Variants in PCDHGA8 observed in about 807,000 individuals in gnomAD.
PCDHGA8 encodes protocadherin gamma-A8.
PCDHGA8 carries 45 observed loss-of-function variants against 59.2 expected under a neutral mutation model. The ratio of observed to expected loss-of-function variants is 0.76; its 90% confidence interval spans 0.60 to 0.98. PCDHGA8 has a LOEUF of 0.98. Ranked by LOEUF, PCDHGA8 falls within the 50% of genes least tolerant of loss-of-function variation. PCDHGA8 has a pLI of 0.00. For missense variants in PCDHGA8, 1,257 were observed against 1,196.2 expected, an observed-to-expected ratio of 1.05 and a Z score of -0.75; for synonymous variants, 531 against 519.0, an observed-to-expected ratio of 1.02 and a Z score of -0.32.
intron 1 of PCDHGA8, among the ~76,000 whole-genome samples, chr5:141,481,675 C>T (rs943204061): frequency 4.0e-5 from 6 of 151,490 alleles, no homozygotes; most frequent in Non-Finnish European, 5.9e-5. Context: ...AAAATCAGGC[C>T]GGGCCTGGTG....
intron 1 of PCDHGA8, chr5:141,408,349 C>T: frequency 6.2e-7 from 1 of 1,613,924 alleles, no homozygotes; most frequent in Non-Finnish European, 8.5e-7. Context: ...TGGTGGGGAA[C>T]CTCGCTAAGG....
At chr5:141,400,441 G>T (rs757449650) in intron 1 of PCDHGA8, 29 of 1,613,966 alleles carry the variant, frequency 1.8e-5, no homozygotes, top group Non-Finnish European at 2.1e-5. Flanking sequence ...ATTGAGTTCA[G>T]GACAAGACAT....
intron 1 of PCDHGA8, among the ~76,000 whole-genome samples, chr5:141,472,980 C>CAAAAAAAAAAAAAAAAA (rs60579131): frequency 5.8e-5 from 5 of 86,060 alleles, no homozygotes; most frequent in African/African-American, 3.9e-5. Context: ...GAGTGAAACT[C>CAAAAAAAAAAAAAAAAA]AAAAAAAAAA....
intron 1 of PCDHGA8, chr5:141,395,944 C>G (rs1218959085): frequency 6.6e-6 from 1 of 151,840 alleles, no homozygotes; most frequent in East Asian, 1.9e-4. Context: ...CATTGCTCCC[C>G]CAAACAAAAA....
rs573785314 is a variant in PCDHGA8 at position 141,435,382 on chromosome 5, C to T, written c.2424+40145C>T. 2.0e-5 allele frequency among the ~76,000 whole-genome samples: 3 copies of T among 152,034 alleles called. No homozygotes were observed. In the East Asian group the frequency reaches 5.8e-4, roughly 29 times the overall value. ...TTTATCACTTAAATATACAATATAC[C>T]GTATTGCCATGACGAAAAATGGTAA... On this transcript the variant is annotated intron_variant, in intron 1 of 3. Transcript: ENST00000398604.
At chr5:141,470,227 C>A (rs1387947362) in intron 1 of PCDHGA8, among the ~76,000 whole-genome samples, 1 of 152,160 alleles carries the variant, frequency 6.6e-6, no homozygotes, top group Non-Finnish European at 1.5e-5. Flanking sequence ...AGCTTCTTCA[C>A]CAAACCCTTG....
In PCDHGA8 at chr5:141,467,461, A is replaced by G. The variant is rs1330947379; in HGVS notation, c.2425-27346A>G. ...ATTACTTTTTTCTTCCAGTGCTAGT[A>G]CTTGCATGGTTTTTGGTTTCCACAT... On this transcript the variant is annotated intron_variant, in intron 1 of 3. Coordinates refer to ENST00000398604, the MANE Select transcript of PCDHGA8 (RefSeq NM_032088.2). 2.6e-5 allele frequency among the ~76,000 whole-genome samples: 4 copies of G among 152,158 alleles called. No homozygotes were observed. The South Asian group carries it at 8.3e-4, about 31-fold the overall frequency.
chr5:141,431,320 C>T lies in PCDHGA8; in HGVS notation c.2424+36083C>T. On this transcript the variant is annotated intron_variant, in intron 1 of 3. Coordinates refer to ENST00000398604, the MANE Select transcript of PCDHGA8 (RefSeq NM_032088.2). The surrounding 1 kb of genome is among the most constrained non-coding windows in gnomAD (Gnocchi z 4.8). ...CCCTCATCGTGCAAAATGGAGCCGA[C>T]GGTAGTAAGTACCCCGAATTGGTGC... is the stretch of plus-strand genomic sequence containing the variant. 1 of 1,614,102 alleles carries T rather than the reference C, an allele frequency of 6.2e-7. No homozygotes were observed. Among genetic ancestry groups the T allele is most frequent in the Non-Finnish European group, 8.5e-7 (1 of 1,180,038 alleles).
At chr5:141,504,511 CTCTGATAT>C (rs2099838890) in intron 2 of PCDHGA8, among the ~76,000 whole-genome samples, 1 of 151,902 alleles carries the variant, frequency 6.6e-6, no homozygotes, top group Non-Finnish European at 1.5e-5. Flanking sequence ...AGTGGATCTC[CTCTGATAT>C]ATTTTATTCG....
In PCDHGA8 at chr5:141,392,850, C is replaced by T. The variant is rs752526573; in HGVS notation, c.37C>T (p.Leu13=). ...ACAGAGTCGCCCCAGACGCGGCGAG[C>T]TGATCCTGCTGTGCGCGCTGCTGGG... ...APQSRPRRGE[L]ILLCALLGTL... The change falls in exon 1 of 4, where the codon CTG becomes TTG. Residue 13 remains leucine (L), a synonymous_variant. Coordinates refer to ENST00000398604, the MANE Select transcript of PCDHGA8 (RefSeq NM_032088.2). The T allele has an allele frequency of 3.1e-6, 5 of 1,610,550 alleles. No homozygotes were observed. In the African/African-American group the frequency reaches 5.3e-5, roughly 17 times the overall value.
At chr5:141,419,620 G>C in intron 1 of PCDHGA8, 1 of 1,612,304 alleles carries the variant, frequency 6.2e-7, no homozygotes, top group Non-Finnish European at 8.5e-7. Context: ...CAGGCTACCT[G>C]GTGACCAAGG....
At chr5:141,417,866 G>C (rs1299960512) in intron 1 of PCDHGA8, 1 of 1,552,408 alleles carries the variant, frequency 6.4e-7, no homozygotes, top group African/African-American at 1.4e-5. Context: ...AACGATGGGA[G>C]GGAGCTGCGC....
intron 1 of PCDHGA8, chr5:141,410,361 G>A: frequency 1.9e-6 from 3 of 1,614,034 alleles, no homozygotes; most frequent in Non-Finnish European, 2.5e-6. Context: ...CGCTCTCTCA[G>A]CCCTGCTACT....
intron 1 of PCDHGA8, among the ~76,000 whole-genome samples, chr5:141,482,104 A>T (rs11748215): frequency 0.23 from 34,477 of 150,324 alleles, 4,798 homozygotes; most frequent in African/African-American, 0.39. Context: ...AAAAAAAAAA[A>T]ATATCTAGAG....
intron 1 of PCDHGA8, chr5:141,475,937 C>G (rs970582600): frequency 2.8e-5 from 19 of 676,764 alleles, no homozygotes; most frequent in African/African-American, 1.8e-4. Context: ...GGCCCCTGCC[C>G]GTCCCCTTTC....
chr5:141,428,063 C>T lies in PCDHGA8; in HGVS notation c.2424+32826C>T, dbSNP rs777477669. 12 of 1,609,054 alleles carry T rather than the reference C, an allele frequency of 7.5e-6. No individual in the cohort carries two copies. In the African/African-American group the frequency reaches 1.3e-4, roughly 18 times the overall value. ...TGGTGACCAAGGTGGTGGCGGTGGA[C>T]GCAGATTCGGGACACAACGCTTGGC... On this transcript the variant is annotated intron_variant, in intron 1 of 3. Coordinates refer to ENST00000398604, the MANE Select transcript of PCDHGA8 (RefSeq NM_032088.2).
At position 141,393,344 on chromosome 5, in the gene PCDHGA8, C is replaced by G. The variant is rs1428830318; in HGVS notation, c.531C>G (p.His177Gln). The change falls in exon 1 of 4, where the codon CAC (histidine) becomes CAG (glutamine). Residue 177 changes from histidine (H) to glutamine (Q), a missense_variant. His to Gln is a conservative substitution (Grantham distance 24). Transcript: ENST00000398604. ...LQSYQLSPNH[H>Q]FSLDVQTGDN... ...GCTACCAGCTCAGCCCCAATCACCA[C>G]TTCTCCCTGGACGTGCAGACTGGAG... The G allele has an allele frequency of 9.9e-6, 16 of 1,613,888 alleles. No individual in the cohort carries two copies. The highest frequency in any genetic ancestry group is 1.2e-5 in the Non-Finnish European group (14 of 1,179,904).
chr5:141,420,980 C>T (rs1463868271), intron 1 of PCDHGA8: 1 of 484,260 alleles, frequency 2.1e-6, no homozygotes, highest in Non-Finnish European at 3.6e-6. Flanking sequence ...AGAATGGGCT[C>T]TAGGCGCCGC....
At position 141,489,257 on chromosome 5, in the gene PCDHGA8, T is replaced by TC. The variant is rs773157586; in HGVS notation, c.2425-5547dup. The stretch of plus-strand genomic sequence containing the variant: ...TTCTGGGTCATGGGGCCCAAGACAC[T>TC]CCCACAGCTCGCTGGGAAATGGCAA... On this transcript the variant is annotated intron_variant, in intron 1 of 3. Coordinates refer to ENST00000398604, the MANE Select transcript of PCDHGA8 (RefSeq NM_032088.2). The surrounding 1 kb of genome is among the most constrained non-coding windows in gnomAD (Gnocchi z 4.5). 1 of 1,550,308 alleles carries TC rather than the reference T, an allele frequency of 6.5e-7. No homozygotes were observed. Among genetic ancestry groups the TC allele is most frequent in the Non-Finnish European group, 8.7e-7 (1 of 1,148,342 alleles).
Sources: gnomAD v4.1 joint callset for allele counts (sites outside exome capture counted in the v4.1 genomes callset) on GRCh38, gnomAD v4.1.1 for gene constraint, Gnocchi (gnomAD v3.1) non-coding constraint, MANE v1.5 for transcripts, NCBI Gene and HGNC (gene_info 2026-07-23, HGNC 2026-07-21) for gene names.